OOSP4B: variants seen among roughly 807,000 people sequenced by gnomAD.
OOSP4B encodes oocyte-secreted protein 4B.
In OOSP4B at chr11:60,025,146, A is replaced by T. The variant is rs181048403; in HGVS notation, c.302+141A>T. On this transcript the variant is annotated intron_variant, in intron 3 of 4. Transcript: ENST00000642343. ...TAAAGTTTCTCTAACTCTAAGGAAA[A>T]TGTTCAAATGTACAGAATTGAAGGA... The T allele has an allele frequency of 2.8e-5, 11 of 392,022 alleles. No individual in the cohort carries two copies. In the East Asian group the frequency reaches 4.0e-4, roughly 14 times the overall value. The allele number at this position is 392,022 out of a possible 1,614,324, so 24.3% of individuals were successfully genotyped here.
At position 60,026,480 on chromosome 11, in the gene OOSP4B, G is replaced by A. The variant is rs567847438; in HGVS notation, c.302+1475G>A. Among the ~76,000 whole-genome samples the A allele has an allele frequency of 3.9e-5, 6 of 152,182 alleles. No homozygotes were observed. In the South Asian group the frequency reaches 1.0e-3, roughly 26 times the overall value. ...TCTGGGCTCTTATTTATGTCTTAAT[G>A]ATCTATTTGATCTTTATCTTGACTA... is the stretch of plus-strand genomic sequence containing the variant. On this transcript the variant is annotated intron_variant, in intron 3 of 4. Coordinates refer to ENST00000642343, the Ensembl canonical transcript of OOSP4B.
chr11:60,024,284 A>C (rs1484193045), intron 2 of OOSP4B, among the ~76,000 whole-genome samples: 2 of 152,198 alleles, frequency 1.3e-5, no homozygotes, highest in African/African-American at 4.8e-5. Flanking sequence ...TCACACCTGT[A>C]ATCCCACCAC....
chr11:60,019,094 G>A (rs537401884), intron 1 of OOSP4B, among the ~76,000 whole-genome samples: 8 of 152,160 alleles, frequency 5.3e-5, no homozygotes, highest in South Asian at 4.1e-4. Context: ...ATGGTGGTGC[G>A]TGCCTGTAAT....
chr11:60,019,974 CAG>C (rs567082329), intron 1 of OOSP4B, among the ~76,000 whole-genome samples: 92 of 152,148 alleles, frequency 6.0e-4, no homozygotes, highest in Non-Finnish European at 9.1e-4. Context: ...TAGCTAGATA[CAG>C]AGTGTGGACA....
At chr11:60,018,698 C>T (rs762024243) in intron 1 of OOSP4B, among the ~76,000 whole-genome samples, 4 of 152,180 alleles carry the variant, frequency 2.6e-5, no homozygotes, top group Non-Finnish European at 4.4e-5. Context: ...CCTGCGATTA[C>T]CTTTCTCATA....
chr11:60,023,539 A>G (rs981940891), intron 1 of OOSP4B, among the ~76,000 whole-genome samples: 1 of 152,074 alleles, frequency 6.6e-6, no homozygotes, highest in African/African-American at 2.4e-5. Flanking sequence ...GGCTCAAGCA[A>G]TTCTCCCACC....
intron 1 of OOSP4B, among the ~76,000 whole-genome samples, 176 bp downstream of exon 1, chr11:60,017,589 G>T (rs2134620266): frequency 2.6e-5 from 4 of 152,136 alleles, no homozygotes; most frequent in Admixed American, 2.6e-4. Flanking sequence ...AACAGGTAGG[G>T]CTGCCTGTTT....
chr11:60,018,573 C>A (rs1409769015), intron 1 of OOSP4B, among the ~76,000 whole-genome samples: 1 of 152,168 alleles, frequency 6.6e-6, no homozygotes, highest in Non-Finnish European at 1.5e-5. Flanking sequence ...CCAGCTGAAA[C>A]CACTGCTGCG....
At chr11:60,018,343 GTCACAACAGCGT>G (rs1438333323) in intron 1 of OOSP4B, among the ~76,000 whole-genome samples, 4 of 152,070 alleles carry the variant, frequency 2.6e-5, no homozygotes, top group African/African-American at 7.2e-5. Context: ...ATTTTTGGCT[GTCACAACAGCGT>G]TTGTCACTCG....
intron 1 of OOSP4B, chr11:60,022,019 AT>A (rs1854696316): frequency 6.7e-6 from 1 of 149,782 alleles, no homozygotes; most frequent in Non-Finnish European, 1.5e-5. Flanking sequence ...ATGTGGTGAA[AT>A]TTGACCTAGG....
At chr11:60,022,868 T>C (rs568791682) in intron 1 of OOSP4B, among the ~76,000 whole-genome samples, 181 of 152,240 alleles carry the variant, frequency 1.2e-3, no homozygotes, top group Non-Finnish European at 2.1e-3. Flanking sequence ...TATGAGAAGA[T>C]TGGACTCTGA....
rs1420369785 is a variant in OOSP4B at position 60,018,813 on chromosome 11, CCT to C, written c.22+1401_22+1402del. ...TGTGGGTCTTTCTCTATTACCATTC[CCT>C]GAGACCAAAATTAGGGTATGTAGTT... On this transcript the variant is annotated intron_variant, in intron 1 of 4. Transcript: ENST00000642343. Among the ~76,000 whole-genome samples, 5 of 152,168 alleles carry C rather than the reference CCT, an allele frequency of 3.3e-5. 1 individual carries two copies. The highest frequency in any genetic ancestry group is 9.6e-5 in the African/African-American group (4 of 41,504).
chr11:60,023,291 A>G (rs1246490066), intron 1 of OOSP4B, among the ~76,000 whole-genome samples: 2 of 152,262 alleles, frequency 1.3e-5, no homozygotes, highest in Admixed American at 1.3e-4. Context: ...TGTGCTACAA[A>G]TACAAAACAC....
At chr11:60,018,515 A>G (rs536134096) in intron 1 of OOSP4B, among the ~76,000 whole-genome samples, 1 of 152,222 alleles carries the variant, frequency 6.6e-6, no homozygotes. Context: ...TTTAAGGCAC[A>G]TATTTGTGAG....
intron 3 of OOSP4B, among the ~76,000 whole-genome samples, chr11:60,025,728 C>A (rs1443035149): frequency 6.6e-6 from 1 of 152,124 alleles, no homozygotes; most frequent in East Asian, 1.9e-4. Flanking sequence ...GTTTGCATAT[C>A]TTTGGGTGTA....
At chr11:60,022,913 A>T (rs1220174941) in intron 1 of OOSP4B, among the ~76,000 whole-genome samples, 3 of 152,204 alleles carry the variant, frequency 2.0e-5, no homozygotes, top group Admixed American at 2.0e-4. Context: ...AATTCTGATC[A>T]GGTTTAGTTT....
chr11:60,027,901 C>T (rs1033287109), intron 3 of OOSP4B, among the ~76,000 whole-genome samples: 2 of 151,352 alleles, frequency 1.3e-5, no homozygotes. Context: ...GATAGCGCCA[C>T]TGCACTCCAG....
chr11:60,029,050 C>T lies in OOSP4B; in HGVS notation c.303-732C>T, dbSNP rs181077272. Among the ~76,000 whole-genome samples, 16 of 152,290 alleles carry T rather than the reference C, an allele frequency of 1.1e-4. No individual in the cohort carries two copies. The East Asian group carries it at 2.3e-3, about 22-fold the overall frequency. On this transcript the variant is annotated intron_variant, in intron 3 of 4. Coordinates refer to ENST00000642343, the Ensembl canonical transcript of OOSP4B. ...TAAAGGCTATTATGCCTTATCTATT[C>T]GCAGTCCATTTTTCTCCCAGATCAA...
intron 1 of OOSP4B, chr11:60,021,676 G>T (rs911818167): frequency 2.0e-5 from 3 of 152,126 alleles, no homozygotes; most frequent in Admixed American, 6.5e-5. Flanking sequence ...GGTTTTCTTT[G>T]TTAGACTCAA....
Sources: gnomAD v4.1 joint callset for allele counts (sites outside exome capture counted in the v4.1 genomes callset) on GRCh38, gnomAD v4.1.1 for gene constraint, MANE v1.5 for transcripts, NCBI Gene and HGNC (gene_info 2026-07-23, HGNC 2026-07-21) for gene names.